Variants in NAV3 observed in about 807,000 individuals in gnomAD.
NAV3 encodes the protein pore membrane and/or filament interacting like protein 1.
Under a neutral mutation model 244.7 loss-of-function variants are expected in NAV3, and 87 were observed. That is an observed-to-expected ratio of 0.36 (90% CI 0.30 to 0.42). The LOEUF is 0.42. NAV3 is among the 20% of genes least tolerant of loss of function. The pLI, the probability that NAV3 is intolerant of heterozygous loss-of-function variation, is 1.00. For synonymous variants in NAV3, 1,126 were observed against 1,042.2 expected, an observed-to-expected ratio of 1.08 and a Z score of -1.55; for missense variants, 2,663 against 2,893.3, an observed-to-expected ratio of 0.92 and a Z score of 1.83.
At chr12:77,829,880 C>T (rs145047404), upstream of NAV3, among the ~76,000 whole-genome samples, 1 of 152,260 alleles carries the variant, frequency 6.6e-6, no homozygotes, top group African/African-American at 2.4e-5. Flanking sequence ...TAAAGAAAGA[C>T]ATTTTCTATA....
chr12:77,850,623 A>C (rs1877365572), intron 1 of NAV3, among the ~76,000 whole-genome samples: 1 of 152,210 alleles, frequency 6.6e-6, no homozygotes, highest in Admixed American at 6.5e-5. Flanking sequence ...GTAAAAGATT[A>C]GTAAATTTCA....
chr12:77,712,651 G>T (rs1876176516), intron 2 of NAV3, among the ~76,000 whole-genome samples: 2 of 152,130 alleles, frequency 1.3e-5, no homozygotes, highest in Admixed American at 6.5e-5. Flanking sequence ...CTTAGCAACT[G>T]ATAACTGCAG....
intron 2 of NAV3, among the ~76,000 whole-genome samples, chr12:77,661,467 A>G (rs1009275628): frequency 6.6e-6 from 1 of 152,132 alleles, no homozygotes; most frequent in African/African-American, 2.4e-5. Context: ...TATTAGATAT[A>G]TGAGTTGCCA....
At chr12:77,970,614 C>A (rs1008497970) in intron 5 of NAV3, among the ~76,000 whole-genome samples, 1 of 151,950 alleles carries the variant, frequency 6.6e-6, no homozygotes, top group Non-Finnish European at 1.5e-5. Context: ...TAAAATAATG[C>A]AGATATTTGA....
chr12:78,003,632 CTG>C (rs756319141), intron 7 of NAV3, among the ~76,000 whole-genome samples: 7 of 152,334 alleles, frequency 4.6e-5, no homozygotes, highest in Non-Finnish European at 8.8e-5. Flanking sequence ...CTACAGCTAA[CTG>C]AGGTTCCAGA....
Position 77,673,451 on chromosome 12 carries a change from T to C in NAV3, c.72+101185T>C, listed in dbSNP as rs796707287. On this transcript the variant is annotated intron_variant, in intron 2 of 8. Coordinates refer to the NAV3 transcript ENST00000550042. ...AACTGTTAAGGTTTTCTTTTAATAT[T>C]ATATCTAAGGTATAACTCACATTTT... Among the ~76,000 whole-genome samples the C allele has an allele frequency of 2.6e-5, 4 of 152,148 alleles. No individual in the cohort carries two copies. In the East Asian group the frequency reaches 5.8e-4, roughly 22 times the overall value.
intron 2 of NAV3, among the ~76,000 whole-genome samples, chr12:77,574,611 T>C (rs1400327108): frequency 6.6e-6 from 1 of 152,106 alleles, no homozygotes; most frequent in Non-Finnish European, 1.5e-5. Flanking sequence ...TTTTTAATAT[T>C]ACTGAAAAAG....
intron 2 of NAV3, among the ~76,000 whole-genome samples, chr12:77,596,868 T>A (rs1592488598): frequency 1.3e-5 from 2 of 152,052 alleles, no homozygotes; most frequent in Non-Finnish European, 2.9e-5. Context: ...CCATGTGCAG[T>A]CTGGCTTTGT....
intron 1 of NAV3, among the ~76,000 whole-genome samples, chr12:77,916,097 G>A (rs1887114839): frequency 6.6e-6 from 1 of 152,028 alleles, no homozygotes; most frequent in Non-Finnish European, 1.5e-5. Context: ...TTTGATCAGA[G>A]ACATGACTTA....
chr12:77,720,272 TACACATTTGAA>T (rs1204852517), intron 2 of NAV3, among the ~76,000 whole-genome samples: 1 of 152,128 alleles, frequency 6.6e-6, no homozygotes, highest in Non-Finnish European at 1.5e-5. Flanking sequence ...TATTACGATC[TACACATTTGAA>T]AAAACAGTCA....
intron 2 of NAV3, among the ~76,000 whole-genome samples, chr12:77,575,465 C>G (rs1051136054): frequency 2.0e-5 from 3 of 152,002 alleles, no homozygotes; most frequent in Admixed American, 2.0e-4. Context: ...GGAAAATTAT[C>G]GTGGCATCTC....
intron 7 of NAV3, among the ~76,000 whole-genome samples, chr12:77,999,554 C>T (rs890670485): frequency 2.6e-5 from 4 of 152,126 alleles, no homozygotes; most frequent in Non-Finnish European, 4.4e-5. Context: ...TAAATATTCC[C>T]TTTGGCCTAA....
intron 2 of NAV3, among the ~76,000 whole-genome samples, chr12:77,599,404 A>C (rs1870318989): frequency 6.6e-6 from 1 of 151,864 alleles, no homozygotes; most frequent in Admixed American, 6.6e-5. Flanking sequence ...ATAACCATAA[A>C]AATTATGCTT....
At chr12:78,010,899 A>C (rs958462908) in intron 8 of NAV3, 5 of 152,040 alleles carry the variant, frequency 3.3e-5, no homozygotes, top group African/African-American at 1.2e-4. Context: ...TTTGTCACAC[A>C]CTGGGTGTTC....
intron 1 of NAV3, among the ~76,000 whole-genome samples, chr12:77,884,671 G>A (rs1237340952): frequency 3.3e-5 from 5 of 152,196 alleles, no homozygotes; most frequent in East Asian, 1.9e-4. Flanking sequence ...TACATTGATG[G>A]CGGATCTTCC....
intron 2 of NAV3, among the ~76,000 whole-genome samples, chr12:77,802,276 G>A (rs1197852221): frequency 1.3e-5 from 2 of 152,082 alleles, no homozygotes; most frequent in Non-Finnish European, 2.9e-5. Context: ...TAGATGTTCA[G>A]GTGTTACTGG....
chr12:77,853,644 G>A (rs542502762), intron 1 of NAV3, among the ~76,000 whole-genome samples: 18 of 152,134 alleles, frequency 1.2e-4, no homozygotes, highest in African/African-American at 4.3e-4. Context: ...GGCAGAATTG[G>A]TCATTGTACA....
intron 2 of NAV3, among the ~76,000 whole-genome samples, chr12:77,822,197 G>A (rs528503060): frequency 6.6e-6 from 1 of 152,154 alleles, no homozygotes; most frequent in Non-Finnish European, 1.5e-5. Flanking sequence ...GAAGCCTGTA[G>A]GGTAGTAAAT....
At chr12:77,757,488 C>T (rs1365851322) in intron 2 of NAV3, among the ~76,000 whole-genome samples, 1 of 152,152 alleles carries the variant, frequency 6.6e-6, no homozygotes, top group African/African-American at 2.4e-5. Flanking sequence ...GTATATATTA[C>T]AGGTGCCACA....
Sources: gnomAD v4.1 joint callset for allele counts (sites outside exome capture counted in the v4.1 genomes callset) on GRCh38, gnomAD v4.1.1 for gene constraint, MANE v1.5 for transcripts, NCBI Gene and HGNC (gene_info 2026-07-23, HGNC 2026-07-21) for gene names.